Variants in CNTN4 observed in about 807,000 individuals in gnomAD.
CNTN4 encodes the protein contactin 4.
CNTN4 carries 77 observed loss-of-function variants against 122.5 expected under a neutral mutation model. The observed-to-expected ratio is 0.63, with a 90% CI of 0.52 to 0.76. The LOEUF is 0.76. Among genes scored for constraint, CNTN4 ranks in the 30% least tolerant of loss-of-function variants. CNTN4 has a pLI of 0.00. For missense variants in CNTN4, 1,256 were observed against 1,259.1 expected (o/e 1.00, Z 0.04); for synonymous variants, 512 against 447.0 (o/e 1.15, Z -1.83).
At chr3:2,143,597 A>C (rs563535748) in intron 2 of CNTN4, among the ~76,000 whole-genome samples, 1 of 152,278 alleles carries the variant, frequency 6.6e-6, no homozygotes, top group African/African-American at 2.4e-5. Flanking sequence ...CTCTTATTAT[A>C]CCATTCTACT....
At chr3:2,891,146 T>C (rs57048294) in intron 10 of CNTN4, among the ~76,000 whole-genome samples, 73,790 of 151,994 alleles carry the variant, frequency 0.49, 18,231 homozygotes, top group East Asian at 0.67. Context: ...ATTTTATTTT[T>C]TGGTAAGAGT....
At chr3:2,505,029 G>A (rs1418866543) in intron 3 of CNTN4, among the ~76,000 whole-genome samples, 1 of 152,148 alleles carries the variant, frequency 6.6e-6, no homozygotes, top group African/African-American at 2.4e-5. Context: ...GATCGATTTG[G>A]AAAATTTGAG....
chr3:2,728,223 G>A (rs2088378256), intron 4 of CNTN4, among the ~76,000 whole-genome samples: 2 of 152,216 alleles, frequency 1.3e-5, no homozygotes. Flanking sequence ...TCATTTGTTT[G>A]TGAATTTCCT....
chr3:2,426,191 G>T (rs1014889398), intron 3 of CNTN4, among the ~76,000 whole-genome samples: 1 of 152,072 alleles, frequency 6.6e-6, no homozygotes, highest in Non-Finnish European at 1.5e-5. Context: ...TCAGTATGAT[G>T]TTAGCTGTGG....
At chr3:2,632,121 C>T (rs761516078) in intron 4 of CNTN4, among the ~76,000 whole-genome samples, 1 of 150,688 alleles carries the variant, frequency 6.6e-6, no homozygotes, top group African/African-American at 2.4e-5. Flanking sequence ...TATATATAAA[C>T]TTTGTTTATG....
intron 4 of CNTN4, among the ~76,000 whole-genome samples, chr3:2,729,627 T>A (rs1303282687): frequency 1.3e-5 from 2 of 148,352 alleles, no homozygotes; most frequent in Non-Finnish European, 3.0e-5. Flanking sequence ...AACTTTAGAA[T>A]GCATAGGCCA....
chr3:3,017,862 A>C (rs1225287155), intron 14 of CNTN4, among the ~76,000 whole-genome samples: 1 of 152,222 alleles, frequency 6.6e-6, no homozygotes, highest in African/African-American at 2.4e-5. Context: ...AACAAATGGC[A>C]CCTTCAAAAG....
At chr3:2,840,618 G>A (rs1301086015) in intron 7 of CNTN4, among the ~76,000 whole-genome samples, 2 of 130,516 alleles carry the variant, frequency 1.5e-5, no homozygotes, top group East Asian at 2.2e-4. Flanking sequence ...AGAATGGCGG[G>A]AACCCGGGAG....
At chr3:2,159,434 G>T (rs1441519193) in intron 2 of CNTN4, among the ~76,000 whole-genome samples, 1 of 152,050 alleles carries the variant, frequency 6.6e-6, no homozygotes, top group East Asian at 1.9e-4. Context: ...TTTTCAAAAG[G>T]TGACACAAAA....
intron 7 of CNTN4, among the ~76,000 whole-genome samples, chr3:2,844,193 C>T (rs192477194): frequency 2.6e-4 from 40 of 152,330 alleles, no homozygotes; most frequent in African/African-American, 8.9e-4. Flanking sequence ...TCCACCCCTT[C>T]CCGATATTTT....
chr3:2,554,342 C>CA (rs1357790166), intron 3 of CNTN4, among the ~76,000 whole-genome samples: 2,828 of 150,132 alleles, frequency 0.019, 78 homozygotes, highest in African/African-American at 0.064. Flanking sequence ...GGATTTAGAG[C>CA]AAAAAAAAAC....
intron 2 of CNTN4, among the ~76,000 whole-genome samples, chr3:2,157,877 C>T (rs1416110935): frequency 6.6e-6 from 1 of 152,124 alleles, no homozygotes; most frequent in African/African-American, 2.4e-5. Context: ...TCATTGTTTT[C>T]ATTTAAGAAA....
At chr3:2,321,174 C>T (rs758316856) in intron 2 of CNTN4, among the ~76,000 whole-genome samples, 1 of 152,016 alleles carries the variant, frequency 6.6e-6, no homozygotes, top group African/African-American at 2.4e-5. Flanking sequence ...TAATTGTTAT[C>T]CCCCTTATAA....
At chr3:2,189,050 A>G (rs1235484595) in intron 2 of CNTN4, among the ~76,000 whole-genome samples, 2 of 152,166 alleles carry the variant, frequency 1.3e-5, no homozygotes, top group Non-Finnish European at 2.9e-5. Flanking sequence ...ATTCTGTGGA[A>G]TTCAGAAAAT....
rs565635624 is a variant in CNTN4 at position 2,808,532 on chromosome 3, A to G, written c.359-10954A>G. Among the ~76,000 whole-genome samples the G allele has an allele frequency of 2.8e-4, 42 of 152,254 alleles. No individual in the cohort carries two copies. The South Asian group carries it at 6.6e-3, about 24-fold the overall frequency. ...ATCAGTTATAAAATTATCACACTAG[A>G]TGAAGAAAAGATAATTGTATGATAT... On this transcript the variant is annotated intron_variant, in intron 6 of 24. Coordinates refer to ENST00000418658, the MANE Select transcript of CNTN4 (RefSeq NM_175607.3).
intron 3 of CNTN4, among the ~76,000 whole-genome samples, chr3:2,409,463 G>A (rs759597577): frequency 5.3e-5 from 8 of 151,730 alleles, no homozygotes; most frequent in Non-Finnish European, 1.0e-4. Context: ...TAGCCAGGAG[G>A]GTCTCGAATT....
chr3:3,018,351 T>C (rs534078289), intron 14 of CNTN4, among the ~76,000 whole-genome samples: 18 of 152,350 alleles, frequency 1.2e-4, no homozygotes, highest in African/African-American at 1.4e-4. Context: ...TGGCATATGC[T>C]CTAGAATTAG....
intron 3 of CNTN4, among the ~76,000 whole-genome samples, chr3:2,485,648 G>A (rs2076136480): frequency 6.6e-6 from 1 of 152,094 alleles, no homozygotes; most frequent in Non-Finnish European, 1.5e-5. Flanking sequence ...TCTTTGTCTA[G>A]CTAAGGGATT....
chr3:2,390,215 A>AGTGTGT (rs142190283), intron 3 of CNTN4, among the ~76,000 whole-genome samples: 8,459 of 144,798 alleles, frequency 0.058, 307 homozygotes, highest in African/African-American at 0.11. Flanking sequence ...AGGAAAAAAG[A>AGTGTGT]GTGTGTGTGT....
Sources: gnomAD v4.1 joint callset for allele counts (sites outside exome capture counted in the v4.1 genomes callset) on GRCh38, gnomAD v4.1.1 for gene constraint, MANE v1.5 for transcripts, NCBI Gene and HGNC (gene_info 2026-07-23, HGNC 2026-07-21) for gene names.